Variants in ARHGAP26 observed in about 807,000 individuals in gnomAD.
ARHGAP26 encodes Rho GTPase activating protein 26, also known as rho GTPase-activating protein 26.
In ARHGAP26, 38 loss-of-function variants were observed where a neutral mutation model predicts 104.8. The observed-to-expected ratio is 0.36, with a 90% CI of 0.28 to 0.48. The LOEUF is 0.48. Among genes scored for constraint, ARHGAP26 ranks in the 20% least tolerant of loss-of-function variants. ARHGAP26 has a pLI of 0.99. For missense variants in ARHGAP26, 704 were observed against 947.9 expected (o/e 0.74, Z 3.38); for synonymous variants, 341 against 340.0 (o/e 1.00, Z -0.03).
At chr5:142,946,370 C>T (rs1024091937) in intron 11 of ARHGAP26, among the ~76,000 whole-genome samples, 1 of 152,192 alleles carries the variant, frequency 6.6e-6, no homozygotes, top group Non-Finnish European at 1.5e-5. Context: ...GCAACAGCAC[C>T]AGTTACATTG....
intron 21 of ARHGAP26, among the ~76,000 whole-genome samples, chr5:143,208,958 A>G (rs1261593686): frequency 1.3e-5 from 2 of 152,226 alleles, no homozygotes; most frequent in African/African-American, 4.8e-5. Context: ...AATAGCATAG[A>G]TTATTCTCAT....
chr5:143,120,947 C>T (rs113801037), intron 17 of ARHGAP26, 41 bp from the exon 18 acceptor site: 69,508 of 1,588,426 alleles, frequency 0.044, 1,826 homozygotes, highest in South Asian at 0.09. Context: ...TCTGTGTACA[C>T]GATTTGTCTC....
intron 11 of ARHGAP26, among the ~76,000 whole-genome samples, chr5:142,967,124 T>A (rs1443577888): frequency 6.6e-6 from 1 of 152,192 alleles, no homozygotes; most frequent in Non-Finnish European, 1.5e-5. Context: ...AAATTTTTTT[T>A]AAGGTGTTAT....
chr5:143,011,332 C>A (rs574432819), intron 11 of ARHGAP26, among the ~76,000 whole-genome samples: 1 of 106,602 alleles, frequency 9.4e-6, no homozygotes, highest in Non-Finnish European at 1.8e-5. Context: ...TTTACTTTCT[C>A]CAATGTACTT....
intron 6 of ARHGAP26, among the ~76,000 whole-genome samples, chr5:142,898,445 C>T (rs1023410496): frequency 3.3e-5 from 5 of 152,136 alleles, no homozygotes; most frequent in Non-Finnish European, 5.9e-5. Context: ...CTGCATCCTC[C>T]GAGTTTTCCA....
chr5:142,922,878 G>A (rs188157239), intron 10 of ARHGAP26, among the ~76,000 whole-genome samples: 2 of 152,190 alleles, frequency 1.3e-5, no homozygotes, highest in East Asian at 3.9e-4. Context: ...CCTGCTGGTT[G>A]GATTAGAGTG....
At position 142,945,047 on chromosome 5, in the gene ARHGAP26, G is replaced by A. The variant is rs148917437; in HGVS notation, c.1107+12922G>A. Among the ~76,000 whole-genome samples the A allele has an allele frequency of 3.3e-5, 5 of 152,170 alleles. No homozygotes were observed. The East Asian group carries it at 7.7e-4, about 24-fold the overall frequency. On this transcript the variant is annotated intron_variant, in intron 11 of 22. Coordinates refer to ENST00000645722, the MANE Select transcript of ARHGAP26 (RefSeq NM_001135608.3). ...CCTCATTCACCAGGCTGTGTGATTC[G>A]ACAGGGAACCCACTGATCCTCTGCA...
chr5:143,194,715 A>T (rs2151277778), intron 20 of ARHGAP26, among the ~76,000 whole-genome samples: 2 of 152,350 alleles, frequency 1.3e-5, no homozygotes, highest in East Asian at 3.9e-4. Context: ...GTTTTTATTC[A>T]CAGATGGTGA....
chr5:142,792,747 G>A (rs188413190), intron 1 of ARHGAP26, among the ~76,000 whole-genome samples: 1 of 152,270 alleles, frequency 6.6e-6, no homozygotes, highest in African/African-American at 2.4e-5. Context: ...AGCGTTGGAG[G>A]ATTTGAAAAA....
chr5:142,897,257 C>A (rs982869255), intron 6 of ARHGAP26, among the ~76,000 whole-genome samples: 1 of 152,088 alleles, frequency 6.6e-6, no homozygotes, highest in African/African-American at 2.4e-5. Context: ...CAGTGAGAAA[C>A]CTGGAGAGCT....
At chr5:142,984,160 G>C (rs1310791838) in intron 11 of ARHGAP26, among the ~76,000 whole-genome samples, 1 of 152,230 alleles carries the variant, frequency 6.6e-6, no homozygotes, top group African/African-American at 2.4e-5. Context: ...TTCAGGCAGG[G>C]AGAAGGAAGG....
intron 1 of ARHGAP26, 24 bp downstream of exon 1, chr5:142,770,939 G>T (rs1025099638): frequency 1.3e-5 from 21 of 1,587,812 alleles, no homozygotes; most frequent in Non-Finnish European, 1.8e-5. Flanking sequence ...GCCCCTCGGG[G>T]ACGCGGCTCC....
At chr5:142,960,499 C>G (rs1469419883) in intron 11 of ARHGAP26, among the ~76,000 whole-genome samples, 1 of 152,234 alleles carries the variant, frequency 6.6e-6, no homozygotes, top group Non-Finnish European at 1.5e-5. Context: ...CCAGTGCTGT[C>G]TATCCATTAG....
At chr5:143,093,594 CTCTG>C (rs1261700399) in intron 17 of ARHGAP26, among the ~76,000 whole-genome samples, 3 of 151,936 alleles carry the variant, frequency 2.0e-5, no homozygotes, top group African/African-American at 7.3e-5. Context: ...CACTCTTTCT[CTCTG>C]TCTTTGACTC....
chr5:143,087,831 TAG>T (rs1183003188), intron 17 of ARHGAP26, among the ~76,000 whole-genome samples: 1 of 151,892 alleles, frequency 6.6e-6, no homozygotes, highest in African/African-American at 2.4e-5. Context: ...GTATTTTTAG[TAG>T]AGACGGGGTT....
intron 11 of ARHGAP26, among the ~76,000 whole-genome samples, chr5:142,947,846 T>A (rs1767401956): frequency 6.6e-6 from 1 of 152,142 alleles, no homozygotes; most frequent in African/African-American, 2.4e-5. Flanking sequence ...TGATTGAGAA[T>A]CCATGTTCAA....
At chr5:142,906,781 A>G (rs1761163271) in intron 8 of ARHGAP26, among the ~76,000 whole-genome samples, 1 of 152,192 alleles carries the variant, frequency 6.6e-6, no homozygotes, top group African/African-American at 2.4e-5. Flanking sequence ...TTGTTTTTTA[A>G]GTTTACTAAA....
chr5:142,995,484 A>G (rs1776248975), intron 11 of ARHGAP26, among the ~76,000 whole-genome samples: 1 of 152,254 alleles, frequency 6.6e-6, no homozygotes, highest in African/African-American at 2.4e-5. Flanking sequence ...GCCAGTTAGA[A>G]TGGCAATCAT....
rs57462040 is a variant in ARHGAP26 at position 143,193,240 on chromosome 5, C to CTTTTTTTT, written c.1989-13940_1989-13933dup. Reference sequence around the variant, plus strand: ...GGTATTACAGTGCTTATTTTCTTTTCTTTTTTTTTTTTTTTTTTTTTTTTT... The same window carrying CTTTTTTTT: ...GGTATTACAGTGCTTATTTTCTTTTCTTTTTTTTTTTTTTTTTTTTTTTTTTTTTTTTT... On this transcript the variant is annotated intron_variant, in intron 20 of 22. Coordinates refer to ENST00000645722, the MANE Select transcript of ARHGAP26 (RefSeq NM_001135608.3). 1.0e-3 allele frequency among the ~76,000 whole-genome samples: 77 copies of CTTTTTTTT among 74,586 alleles called. 1 individual carries two copies. The highest frequency in any genetic ancestry group is 3.9e-3 in the African/African-American group (66 of 16,922). 48.9% of individuals were successfully genotyped at this position (74,586 alleles called of 152,430 possible).
Sources: gnomAD v4.1 joint callset for allele counts (sites outside exome capture counted in the v4.1 genomes callset) on GRCh38, gnomAD v4.1.1 for gene constraint, MANE v1.5 for transcripts, NCBI Gene and HGNC (gene_info 2026-07-23, HGNC 2026-07-21) for gene names.